TACC3: variants seen among roughly 807,000 people sequenced by gnomAD.
TACC3 encodes the protein transforming acidic coiled-coil containing protein 3, also known as transforming acidic coiled-coil-containing protein 3.
TACC3 carries 52 observed loss-of-function variants against 86.0 expected under a neutral mutation model. The observed-to-expected ratio is 0.60, with a 90% CI of 0.48 to 0.76. The LOEUF (loss-of-function observed/expected upper bound fraction) is 0.76, where lower values mean the gene tolerates loss of function less well. TACC3 is among the 30% of genes least tolerant of loss of function. The pLI, the probability that TACC3 is intolerant of heterozygous loss-of-function variation, is 0.00. For missense variants in TACC3, 1,120 were observed against 1,070.4 expected, an observed-to-expected ratio of 1.05 and a Z score of -0.65; for synonymous variants, 512 against 430.0, an observed-to-expected ratio of 1.19 and a Z score of -2.36.
At chr4:1,723,358 C>T in intron 1 of TACC3, 63 bp from the exon 2 acceptor site, 1 of 1,553,328 alleles carries the variant, frequency 6.4e-7, no homozygotes, top group Non-Finnish European at 8.8e-7. Flanking sequence ...GCTGTCACGT[C>T]TGTGTCTGGA....
intron 6 of TACC3, among the ~76,000 whole-genome samples, chr4:1,732,471 A>AGGCTGC (rs1718051372): frequency 6.6e-6 from 1 of 152,222 alleles, no homozygotes; most frequent in African/African-American, 2.4e-5. Flanking sequence ...GTAAGATTGG[A>AGGCTGC]AGGTGGAACG....
intron 6 of TACC3, among the ~76,000 whole-genome samples, chr4:1,732,408 A>T (rs1224448012): frequency 6.7e-6 from 1 of 150,300 alleles, no homozygotes; most frequent in Non-Finnish European, 1.5e-5. Context: ...AGTTAAATAA[A>T]TACAGTTTGT....
intron 8 of TACC3, among the ~76,000 whole-genome samples, chr4:1,737,011 C>T (rs1322853733): frequency 6.6e-6 from 1 of 152,158 alleles, no homozygotes; most frequent in Non-Finnish European, 1.5e-5. Context: ...TCACCGTGCT[C>T]TCCCGGAAGG....
At chr4:1,737,131 G>T (rs766677331) in intron 8 of TACC3, 110 bp from the exon 9 acceptor site, 1 of 842,058 alleles carries the variant, frequency 1.2e-6, no homozygotes, top group Middle Eastern at 3.5e-4. Flanking sequence ...TGACTTGAGT[G>T]GTTTTAAACT....
chr4:1,725,019 C>T (rs1717618618), intron 3 of TACC3, among the ~76,000 whole-genome samples: 1 of 151,376 alleles, frequency 6.6e-6, no homozygotes, highest in Non-Finnish European at 1.5e-5. Context: ...ACAACCTCCG[C>T]CTCCCAGGTT....
intron 13 of TACC3, 166 bp from the exon 14 acceptor site, chr4:1,744,352 G>T: frequency 3.2e-6 from 2 of 634,806 alleles, no homozygotes; most frequent in South Asian, 1.9e-5. Flanking sequence ...GAGGGGGTGA[G>T]CTGGGAACTT....
At chr4:1,743,023 G>A (rs1718668785) in intron 13 of TACC3, among the ~76,000 whole-genome samples, 1 of 152,056 alleles carries the variant, frequency 6.6e-6, no homozygotes, top group Non-Finnish European at 1.5e-5. Flanking sequence ...CAGCACTTTG[G>A]GAGGCCAAGG....
At chr4:1,723,690 A>G (rs1227371529) in intron 2 of TACC3, 38 bp from the exon 3 acceptor site, 1 of 1,613,180 alleles carries the variant, frequency 6.2e-7, no homozygotes, top group Non-Finnish European at 8.5e-7. Context: ...AACAGCTTGA[A>G]CTAATGAATA....
At chr4:1,729,073 C>T (rs549997275) in intron 4 of TACC3, among the ~76,000 whole-genome samples, 3 of 152,150 alleles carry the variant, frequency 2.0e-5, no homozygotes, top group Admixed American at 6.5e-5. Flanking sequence ...TGGGCAGGAC[C>T]CTGTCCCCCA....
intron 4 of TACC3, 134 bp from the exon 5 acceptor site, chr4:1,730,752 TG>T: frequency 1.9e-6 from 2 of 1,053,324 alleles, no homozygotes; most frequent in Non-Finnish European, 2.9e-6. Context: ...GCCCCATGCC[TG>T]GCACGCTCTA....
chr4:1,740,039 G>A (rs762893146), intron 12 of TACC3, 37 bp downstream of exon 12: 10 of 1,610,546 alleles, frequency 6.2e-6, no homozygotes, highest in East Asian at 4.5e-5. Context: ...GTGCCTCCAC[G>A]AGGGGCTGCC....
intron 1 of TACC3, 48 bp downstream of exon 1, chr4:1,721,691 C>G (rs1190680244): frequency 6.6e-6 from 1 of 151,492 alleles, no homozygotes; most frequent in Non-Finnish European, 1.5e-5. Flanking sequence ...CCTGGGGGCG[C>G]GAGGCCGTCC....
At chr4:1,727,510 G>T (rs959787246) in intron 3 of TACC3, among the ~76,000 whole-genome samples, 198 bp from the exon 4 acceptor site, 1 of 152,158 alleles carries the variant, frequency 6.6e-6, no homozygotes, top group African/African-American at 2.4e-5. Context: ...CCGTTCCACC[G>T]GGAGCTGGTC....
Position 1,731,182 on chromosome 4 carries a change from T to TG in TACC3, c.1473dup (p.Asn492GlufsTer15). On this transcript the variant is annotated frameshift_variant, in exon 6 of 16. Coordinates refer to ENST00000313288, the MANE Select transcript of TACC3 (RefSeq NM_006342.3). LOFTEE classifies it high-confidence loss of function. ...TGCCCTTTCCTCCAGGAGAGAGCCT[T>TG]GAACTCTGCCAGCACCTCGCTTCCC... is the stretch of plus-strand genomic sequence containing the variant. The TG allele has an allele frequency of 6.2e-7, 1 of 1,613,300 alleles. No individual in the cohort carries two copies.
chr4:1,724,977 G>A (rs2108683631), intron 3 of TACC3, among the ~76,000 whole-genome samples: 1 of 138,872 alleles, frequency 7.2e-6, no homozygotes, highest in Admixed American at 7.8e-5. Context: ...TGTTGCTCAG[G>A]CTGGAGTGCA....
In TACC3 at chr4:1,745,080, G is replaced by C. The variant is rs1437778230; in HGVS notation, c.*67G>C. On this transcript the variant is annotated 3_prime_UTR_variant, in exon 16 of 16. Transcript: ENST00000313288. ...TCTGTCCTGTCTGATTCTCTTAGGT[G>C]TCATGTTCTTTTTTCTGTCTTGTCT... 6 of 1,485,390 alleles carry C rather than the reference G, an allele frequency of 4.0e-6. No homozygotes were observed. In the African/African-American group the frequency reaches 8.4e-5, roughly 21 times the overall value. The allele number at this position is 1,485,390 out of a possible 1,614,324, so 92.0% of individuals were successfully genotyped here.
chr4:1,724,757 G>T (rs1024142464), intron 3 of TACC3, among the ~76,000 whole-genome samples: 1 of 150,458 alleles, frequency 6.6e-6, no homozygotes, highest in African/African-American at 2.5e-5. Context: ...TTTTGCTGAT[G>T]TAACTGTTGT....
Position 1,723,871 on chromosome 4 carries a change from G to C in TACC3, c.305+1G>C, listed in dbSNP as rs1321787416. 1 of 1,612,966 alleles carries C rather than the reference G, an allele frequency of 6.2e-7. No individual in the cohort carries two copies. The highest frequency in any genetic ancestry group is 2.2e-5 in the East Asian group (1 of 44,904). ...ACCCGGTCTGGACACAGAAAGAGAAGTAAGTGTTGGTGCTGCTGGACATGC... is the reference window on the plus strand; with the variant it reads ...ACCCGGTCTGGACACAGAAAGAGAACTAAGTGTTGGTGCTGCTGGACATGC... On this transcript the variant is annotated splice_donor_variant, in intron 3 of 15. Transcript: ENST00000313288. LOFTEE classifies it high-confidence loss of function.
rs1448914867 is a variant in TACC3, at chr4:1,728,582, C to A, written c.1180C>A (p.Pro394Thr). ...CGGTAGGAGCGGAGCAGGAGAGGAC[C>A]CCCCCATGCCAGCTTCTCGGGGCTC... Reference protein sequence around the residue: ...DDGRSGAGEDPPMPASRGSYH... With the variant: ...DDGRSGAGEDTPMPASRGSYH... The change falls in exon 4 of 16, where the codon CCC (proline) becomes ACC (threonine). Residue 394 changes from proline to threonine, a missense_variant. Coordinates refer to ENST00000313288, the MANE Select transcript of TACC3 (RefSeq NM_006342.3). 3.1e-6 allele frequency: 5 copies of A among 1,613,764 alleles called. No individual in the cohort carries two copies. The East Asian group carries it at 6.7e-5, about 22-fold the overall frequency.
Sources: allele counts gnomAD v4.1 joint callset (sites outside exome capture counted in the v4.1 genomes callset), GRCh38; gene constraint gnomAD v4.1.1; transcripts MANE v1.5; gene names NCBI Gene and HGNC (gene_info 2026-07-23, HGNC 2026-07-21).